The following C8orf34 variants were observed in gnomAD, a reference collection of about 807,000 sequenced individuals.
The protein encoded by C8orf34 is chromosome 8 open reading frame 34, also known as uncharacterized protein C8orf34.
A neutral mutation model predicts 68.3 loss-of-function variants in C8orf34; 65 were observed. The observed-to-expected ratio is 0.95, with a 90% CI of 0.78 to 1.17. C8orf34 has a LOEUF of 1.17. Among genes scored for constraint, C8orf34 ranks in the 50% most tolerant of loss-of-function variants. The probability of loss-of-function intolerance (pLI) is 0.00; values close to 1 mark genes in which losing one functional copy is unlikely to be tolerated. For synonymous variants in C8orf34, 244 were observed against 241.2 expected (o/e 1.01, Z -0.11); for missense variants, 664 against 655.4 (o/e 1.01, Z -0.14).
intron 7 of C8orf34, among the ~76,000 whole-genome samples, chr8:68,549,331 A>C (rs1815989221): frequency 1.3e-5 from 2 of 151,848 alleles, no homozygotes; most frequent in South Asian, 4.1e-4. Flanking sequence ...TCACAAAGGA[A>C]ACTAGACACA....
intron 7 of C8orf34, among the ~76,000 whole-genome samples, chr8:68,554,383 A>G (rs984839057): frequency 4.6e-5 from 7 of 152,074 alleles, no homozygotes; most frequent in African/African-American, 1.7e-4. Context: ...AGTTTCTTTA[A>G]TTCTTTTAGC....
At chr8:68,731,979 C>G (rs1417046876) in intron 10 of C8orf34, among the ~76,000 whole-genome samples, 1 of 152,220 alleles carries the variant, frequency 6.6e-6, no homozygotes, top group Non-Finnish European at 1.5e-5. Flanking sequence ...GTGCAAGCAG[C>G]CTATTCTGGG....
chr8:68,577,920 C>T (rs753027872), intron 7 of C8orf34, among the ~76,000 whole-genome samples: 8 of 151,058 alleles, frequency 5.3e-5, no homozygotes, highest in Middle Eastern at 3.4e-3. Context: ...GAAATGTGAA[C>T]AGTGGCTCTC....
At chr8:68,374,312 A>G (rs1179638115) in intron 1 of C8orf34, among the ~76,000 whole-genome samples, 1 of 152,182 alleles carries the variant, frequency 6.6e-6, no homozygotes, top group Non-Finnish European at 1.5e-5. Flanking sequence ...TTTTGGATAC[A>G]TCTACAGCTA....
intron 3 of C8orf34, among the ~76,000 whole-genome samples, chr8:68,465,562 CAAT>C (rs1347300746): frequency 1.3e-5 from 2 of 152,048 alleles, no homozygotes; most frequent in Admixed American, 1.3e-4. Flanking sequence ...AAATGTCCAA[CAAT>C]GATAGACTGG....
Position 68,488,041 on chromosome 8 carries a change from A to T in C8orf34, c.755A>T (p.Glu252Val). 6.3e-7 allele frequency: 1 copy of T among 1,592,816 alleles called. No individual in the cohort carries two copies. Among genetic ancestry groups the T allele is most frequent in the Non-Finnish European group, 8.5e-7 (1 of 1,169,660 alleles). Residue 252 changes from glutamate to valine, a missense_variant, in exon 5 of 14, where the codon GAA becomes GTA. Coordinates refer to ENST00000518698, the MANE Select transcript of C8orf34 (RefSeq NM_052958.4). Reference protein sequence around the residue: ...NLSRSIAISDELDKETVTFNS... With the variant: ...NLSRSIAISDVLDKETVTFNS... ...ATCCCAGGTATTGCAATTTCAGATGAACTCGATAAGGTAAGTTGAACTATA... is the reference window on the plus strand; with the variant it reads ...ATCCCAGGTATTGCAATTTCAGATGTACTCGATAAGGTAAGTTGAACTATA...
At chr8:68,755,963 A>G (rs1247731961) in intron 10 of C8orf34, among the ~76,000 whole-genome samples, 1 of 151,698 alleles carries the variant, frequency 6.6e-6, no homozygotes, top group Non-Finnish European at 1.5e-5. Context: ...GCTACTCGGG[A>G]GGCTGAGGCA....
chr8:68,562,238 A>C (rs1274563764), intron 7 of C8orf34, among the ~76,000 whole-genome samples: 5 of 152,194 alleles, frequency 3.3e-5, no homozygotes, highest in Admixed American at 3.3e-4. Flanking sequence ...CATCTTCATT[A>C]TAATCTTATG....
chr8:68,717,585 A>G (rs1445379032), intron 9 of C8orf34, among the ~76,000 whole-genome samples: 1 of 152,054 alleles, frequency 6.6e-6, no homozygotes, highest in Non-Finnish European at 1.5e-5. Flanking sequence ...CCACGGATAT[A>G]TGAAGGTTAT....
At chr8:68,794,505 A>ATATATT (rs1313909362) in intron 12 of C8orf34, among the ~76,000 whole-genome samples, 1 of 62,252 alleles carries the variant, frequency 1.6e-5, no homozygotes, top group African/African-American at 1.2e-4. Flanking sequence ...ATATATATAT[A>ATATATT]TTTTTTTTTT....
At chr8:68,690,123 G>A (rs945452343) in intron 8 of C8orf34, among the ~76,000 whole-genome samples, 6 of 152,016 alleles carry the variant, frequency 3.9e-5, no homozygotes, top group Non-Finnish European at 8.8e-5. Flanking sequence ...CATGTGTTAG[G>A]CTATAAAAGT....
chr8:68,560,225 GC>G (rs1269498775), intron 7 of C8orf34, among the ~76,000 whole-genome samples: 1 of 151,936 alleles, frequency 6.6e-6, no homozygotes, highest in Non-Finnish European at 1.5e-5. Context: ...CTACAGAGGT[GC>G]CGAGAGACAG....
chr8:68,691,966 G>A (rs1270902821), intron 8 of C8orf34, among the ~76,000 whole-genome samples: 1 of 152,018 alleles, frequency 6.6e-6, no homozygotes, highest in Non-Finnish European at 1.5e-5. Flanking sequence ...AATGTGAGGG[G>A]AGACTCTTTC....
intron 5 of C8orf34, among the ~76,000 whole-genome samples, chr8:68,502,241 T>G (rs1000236348): frequency 1.3e-5 from 2 of 152,172 alleles, no homozygotes; most frequent in Non-Finnish European, 2.9e-5. Context: ...AATTTTTGTA[T>G]TTTTAGTAGA....
chr8:68,710,387 T>G (rs902523268), intron 9 of C8orf34, among the ~76,000 whole-genome samples: 1 of 152,006 alleles, frequency 6.6e-6, no homozygotes, highest in African/African-American at 2.4e-5. Flanking sequence ...TCATTGCTGT[T>G]GAGGGGGCAC....
chr8:68,542,609 C>T (rs1006270691), intron 7 of C8orf34, among the ~76,000 whole-genome samples: 3 of 151,976 alleles, frequency 2.0e-5, no homozygotes, highest in African/African-American at 7.3e-5. Context: ...CACAAAAGGG[C>T]CAAGCAAGTT....
chr8:68,332,350 C>G (rs927837824), intron 1 of C8orf34, among the ~76,000 whole-genome samples: 2 of 151,994 alleles, frequency 1.3e-5, no homozygotes, highest in Non-Finnish European at 2.9e-5. Context: ...GGTCGAGGTG[C>G]TCCCGCCTTG....
chr8:68,532,379 A>G (rs72664998), intron 6 of C8orf34, among the ~76,000 whole-genome samples: 3,526 of 152,286 alleles, frequency 0.023, 67 homozygotes, highest in South Asian at 0.049. Context: ...TTAATAAAAC[A>G]GTCTGCTGAA....
At chr8:68,706,954 C>G (rs1821183975) in intron 8 of C8orf34, among the ~76,000 whole-genome samples, 1 of 152,022 alleles carries the variant, frequency 6.6e-6, no homozygotes, top group Non-Finnish European at 1.5e-5. Context: ...GGAGGAGCAG[C>G]CAACATTCTG....
Sources: gnomAD v4.1 joint callset for allele counts (sites outside exome capture counted in the v4.1 genomes callset) on GRCh38, gnomAD v4.1.1 for gene constraint, MANE v1.5 for transcripts, NCBI Gene and HGNC (gene_info 2026-07-23, HGNC 2026-07-21) for gene names.